The following ATP2B2 variants were observed in gnomAD, a reference collection of about 807,000 sequenced individuals.
ATP2B2 encodes plasma membrane calcium-transporting ATPase 2.
A neutral mutation model predicts 120.0 loss-of-function variants in ATP2B2; 15 were observed. That is an observed-to-expected ratio of 0.12 (90% CI 0.08 to 0.19). The LOEUF (loss-of-function observed/expected upper bound fraction) is 0.19, where lower values mean the gene tolerates loss of function less well. ATP2B2 is among the 10% of genes least tolerant of loss of function. The pLI is 1.00. For missense variants in ATP2B2, 1,045 were observed against 1,719.8 expected (o/e 0.61, Z 6.94); for synonymous variants, 694 against 700.3 (o/e 0.99, Z 0.14).
chr3:10,454,485 A>G (rs369456730), intron 1 of ATP2B2, among the ~76,000 whole-genome samples: 9 of 152,358 alleles, frequency 5.9e-5, no homozygotes, highest in African/African-American at 2.2e-4. Context: ...TCCACCCTGA[A>G]GGCGACTGAT....
intron 1 of ATP2B2, among the ~76,000 whole-genome samples, chr3:10,471,440 G>C (rs1282992298): frequency 1.3e-5 from 2 of 151,792 alleles, no homozygotes; most frequent in African/African-American, 4.8e-5. Flanking sequence ...ATGTGCAGAT[G>C]TGTGTGTGTG....
intron 22 of ATP2B2, among the ~76,000 whole-genome samples, chr3:10,335,631 C>T (rs1274625912): frequency 6.6e-6 from 1 of 152,198 alleles, no homozygotes; most frequent in Non-Finnish European, 1.5e-5. Context: ...CTGACTGGGA[C>T]CCTAAGGGGC....
intron 18 of ATP2B2, among the ~76,000 whole-genome samples, chr3:10,344,767 G>T (rs114020063): frequency 0.024 from 3,631 of 152,312 alleles, 128 homozygotes; most frequent in African/African-American, 0.08. Flanking sequence ...TCATGGAGCT[G>T]CATGAAGAAG....
chr3:10,689,040 T>C (rs532294480), intron 1 of ATP2B2, among the ~76,000 whole-genome samples: 4 of 152,176 alleles, frequency 2.6e-5, no homozygotes, highest in Admixed American at 2.0e-4. Context: ...ATGTGAGGGT[T>C]TGACCAACAC....
chr3:10,335,749 C>T (rs915142349), intron 22 of ATP2B2, among the ~76,000 whole-genome samples: 2 of 152,234 alleles, frequency 1.3e-5, no homozygotes, highest in African/African-American at 4.8e-5. Flanking sequence ...TTCCTGACCA[C>T]ATATGACCCT....
chr3:10,683,802 A>ATATATATG, intron 1 of ATP2B2, among the ~76,000 whole-genome samples: 1 of 123,358 alleles, frequency 8.1e-6, no homozygotes, highest in East Asian at 2.3e-4. Context: ...ATATATATAT[A>ATATATATG]TATGTAAAGA....
intron 2 of ATP2B2, among the ~76,000 whole-genome samples, chr3:10,597,457 A>T (rs901254041): frequency 5.9e-5 from 9 of 152,186 alleles, no homozygotes; most frequent in African/African-American, 2.2e-4. Context: ...AGTTGCAGGC[A>T]TGGCAGGGAA....
intron 2 of ATP2B2, among the ~76,000 whole-genome samples, chr3:10,568,376 T>C (rs961009371): frequency 3.3e-5 from 5 of 152,142 alleles, no homozygotes; most frequent in African/African-American, 1.2e-4. Flanking sequence ...TTTAGGCACC[T>C]GGTAGGATCA....
chr3:10,559,699 T>C (rs989565914), intron 2 of ATP2B2, among the ~76,000 whole-genome samples: 2 of 152,164 alleles, frequency 1.3e-5, no homozygotes, highest in Non-Finnish European at 1.5e-5. Context: ...TCTGGGAGTA[T>C]GGAGATAATC....
intron 1 of ATP2B2, among the ~76,000 whole-genome samples, chr3:10,501,965 A>C (rs2066413102): frequency 1.3e-5 from 2 of 152,208 alleles, no homozygotes; most frequent in Non-Finnish European, 2.9e-5. Flanking sequence ...TAGGGCCCAG[A>C]AATCTGCCCC....
chr3:10,501,402 G>A (rs1575422292), intron 1 of ATP2B2, among the ~76,000 whole-genome samples: 2 of 142,636 alleles, frequency 1.4e-5, no homozygotes, highest in South Asian at 2.2e-4. Flanking sequence ...ACAGGGTCTC[G>A]CTCTGTCATC....
chr3:10,397,339 A>G (rs2062071045), intron 5 of ATP2B2, among the ~76,000 whole-genome samples: 2 of 152,242 alleles, frequency 1.3e-5, no homozygotes, highest in Non-Finnish European at 2.9e-5. Flanking sequence ...AGCAGGGCCT[A>G]TAAAAGTGAG....
chr3:10,594,866 A>G (rs1345841484), intron 2 of ATP2B2, among the ~76,000 whole-genome samples: 1 of 152,188 alleles, frequency 6.6e-6, no homozygotes, highest in Non-Finnish European at 1.5e-5. Context: ...CATTTTATAG[A>G]TGAGGAAATG....
intron 1 of ATP2B2, chr3:10,626,678 A>T (rs1403232621): frequency 1.3e-5 from 2 of 152,032 alleles, no homozygotes; most frequent in Non-Finnish European, 2.9e-5. Flanking sequence ...GATGGAGAAA[A>T]GGATGAGTGA....
intron 3 of ATP2B2, 64 bp downstream of exon 3, chr3:10,410,554 C>T (rs2125016608): frequency 3.3e-6 from 5 of 1,497,836 alleles, no homozygotes; most frequent in Middle Eastern, 1.9e-4. Context: ...GCCGTGAGTG[C>T]CCCCCAGCGT....
chr3:10,671,478 A>G (rs1330059414), intron 1 of ATP2B2, among the ~76,000 whole-genome samples: 1 of 152,122 alleles, frequency 6.6e-6, no homozygotes. Flanking sequence ...CAGCCCCGAA[A>G]TCCCACATCC....
rs200824324 is a variant in ATP2B2, at chr3:10,534,909, T to G, written c.-414-776A>C. On this transcript the variant is annotated intron_variant, in intron 2 of 21. Transcript: ENST00000646379. ...TATTCATTTATTTGGTTTTTTTTTT[T>G]TTTTTTTTTTTTGAGATGGAGTCTC... Among the ~76,000 whole-genome samples the G allele has an allele frequency of 4.8e-4, 67 of 140,008 alleles. 1 individual carries two copies. In the East Asian group the frequency reaches 0.012, roughly 25 times the overall value. The allele number at this position is 140,008 out of a possible 152,430, so 91.9% of individuals were successfully genotyped here.
upstream of ATP2B2, among the ~76,000 whole-genome samples, chr3:10,506,130 C>T (rs925128789): frequency 6.6e-6 from 1 of 152,084 alleles, no homozygotes; most frequent in African/African-American, 2.4e-5. Context: ...GGCAAAGGGG[C>T]AAAGGTCGCA....
rs1248277530 is a variant in ATP2B2, at chr3:10,329,150, G to A, written c.3421-25C>T. 3 of 1,585,486 alleles carry A rather than the reference G, an allele frequency of 1.9e-6. No homozygotes were observed. The highest frequency in any genetic ancestry group is 1.7e-5 in the Admixed American group (1 of 59,332). ...TCTGCAAGGGAAGCACAGGGGTCAG[G>A]AGCACTGCCCAGGGACCACAGCCAG... On this transcript the variant is annotated intron_variant, in intron 22 of 22. Transcript: ENST00000360273. This position sits in a 1 kb window ranked among gnomAD's most constrained non-coding sequence, Gnocchi z 5.9.
Sources: allele counts gnomAD v4.1 joint callset (sites outside exome capture counted in the v4.1 genomes callset), GRCh38; gene constraint gnomAD v4.1.1; non-coding constraint Gnocchi (gnomAD v3.1); transcripts MANE v1.5; gene names NCBI Gene and HGNC (gene_info 2026-07-23, HGNC 2026-07-21).